The following NRXN1 variants were observed in gnomAD, a reference collection of about 807,000 sequenced individuals.
NRXN1 encodes neurexin-1.
Under a neutral mutation model 150.9 loss-of-function variants are expected in NRXN1, and 39 were observed. The observed-to-expected ratio is 0.26, with a 90% confidence interval of 0.20 to 0.34. NRXN1 has a LOEUF of 0.34. NRXN1 is among the 10% of genes least tolerant of loss of function. NRXN1 has a pLI of 1.00. For missense variants in NRXN1, 1,815 were observed against 1,949.9 expected (o/e 0.93, Z 1.30); for synonymous variants, 924 against 757.0 (o/e 1.22, Z -3.62).
chr2:50,019,509 G>A (rs1292574185), intron 21 of NRXN1, among the ~76,000 whole-genome samples: 1 of 150,798 alleles, frequency 6.6e-6, no homozygotes, highest in Non-Finnish European at 1.5e-5. Flanking sequence ...CAGGCATAGT[G>A]GCGGGTGCCT....
At chr2:50,331,189 A>G (rs991960364) in intron 17 of NRXN1, among the ~76,000 whole-genome samples, 3 of 152,160 alleles carry the variant, frequency 2.0e-5, no homozygotes, top group African/African-American at 4.8e-5. Context: ...AAAATTTGAT[A>G]TGATAAAATA....
At chr2:50,502,465 CACACACTCAGACACACAAACA>C (rs1418125324) in intron 13 of NRXN1, among the ~76,000 whole-genome samples, 1 of 152,002 alleles carries the variant, frequency 6.6e-6, no homozygotes, top group Admixed American at 6.6e-5. Flanking sequence ...CGCATACCCA[CACACACTCAGACACACAAACA>C]CACACACACA....
intron 21 of NRXN1, among the ~76,000 whole-genome samples, chr2:50,001,299 T>G (rs564825153): frequency 1.3e-5 from 2 of 152,142 alleles, no homozygotes; most frequent in African/African-American, 4.8e-5. Flanking sequence ...GCTCAATAAA[T>G]AGTATTTATA....
chr2:50,218,490 C>CTTTTTT (rs34919769), intron 18 of NRXN1, among the ~76,000 whole-genome samples: 15 of 136,760 alleles, frequency 1.1e-4, no homozygotes, highest in Non-Finnish European at 1.6e-4. Flanking sequence ...TTAGCACCTT[C>CTTTTTT]TTTTTTTTTT....
chr2:50,503,943 C>T (rs1438584102), intron 13 of NRXN1, among the ~76,000 whole-genome samples: 1 of 151,990 alleles, frequency 6.6e-6, no homozygotes, highest in Non-Finnish European at 1.5e-5. Context: ...GCCATAACAT[C>T]AACAACGCGG....
intron 21 of NRXN1, among the ~76,000 whole-genome samples, chr2:50,034,992 GTAGAGT>G (rs1018989010): frequency 6.6e-5 from 10 of 152,046 alleles, no homozygotes; most frequent in Non-Finnish European, 1.3e-4. Flanking sequence ...TGTGTCATAA[GTAGAGT>G]TAAAGTCATA....
intron 17 of NRXN1, among the ~76,000 whole-genome samples, chr2:50,378,842 A>C (rs2080722020): frequency 6.6e-6 from 1 of 152,146 alleles, no homozygotes; most frequent in Non-Finnish European, 1.5e-5. Flanking sequence ...CCTTAGCTAG[A>C]CTAAGTTATG....
chr2:50,222,753 C>T (rs1457967761), intron 18 of NRXN1, among the ~76,000 whole-genome samples: 1 of 151,626 alleles, frequency 6.6e-6, no homozygotes, highest in Non-Finnish European at 1.5e-5. Context: ...ACTCAAGTTG[C>T]AGAATAGTAT....
At chr2:50,070,780 A>C (rs1050870933) in intron 19 of NRXN1, among the ~76,000 whole-genome samples, 1 of 150,670 alleles carries the variant, frequency 6.6e-6, no homozygotes, top group South Asian at 2.1e-4. Context: ...AAAAAAAAAA[A>C]AAAAAAAAAC....
intron 8 of NRXN1, among the ~76,000 whole-genome samples, chr2:50,580,306 A>G (rs1251929555): frequency 1.3e-5 from 2 of 152,152 alleles, no homozygotes; most frequent in African/African-American, 4.8e-5. Context: ...TCCTTCCTAT[A>G]AATCCCCACA....
At chr2:50,989,360 C>A (rs947609432) in intron 2 of NRXN1, among the ~76,000 whole-genome samples, 2 of 151,524 alleles carry the variant, frequency 1.3e-5, no homozygotes, top group African/African-American at 4.8e-5. Context: ...AAAAAATTAC[C>A]CTTATAAGTG....
At chr2:50,011,946 C>T (rs1685740300) in intron 21 of NRXN1, among the ~76,000 whole-genome samples, 1 of 152,028 alleles carries the variant, frequency 6.6e-6, no homozygotes, top group Non-Finnish European at 1.5e-5. Flanking sequence ...GATGAATATA[C>T]AGCTAAATCA....
At position 49,943,695 on chromosome 2, in the gene NRXN1, T is replaced by A. The variant is rs201702263; in HGVS notation, c.4216+9A>T. The A allele has an allele frequency of 6.2e-7, 1 of 1,602,382 alleles. No homozygotes were observed. Among genetic ancestry groups the A allele is most frequent in the Non-Finnish European group, 8.5e-7 (1 of 1,171,252 alleles). ...AAAGCCAAGGAAGTAAGAAAAAAAG[T>A]TGACTAACCTAACCCACCTGAGCTC... On this transcript the variant is annotated intron_variant, in intron 22 of 22. Transcript: ENST00000401669.
At chr2:50,244,910 C>T (rs921000535) in intron 17 of NRXN1, among the ~76,000 whole-genome samples, 18 of 151,514 alleles carry the variant, frequency 1.2e-4, no homozygotes, top group African/African-American at 4.4e-4. Flanking sequence ...TTAATGAAAA[C>T]CTAAGATTAT....
intron 19 of NRXN1, among the ~76,000 whole-genome samples, chr2:50,078,149 G>T (rs762096317): frequency 6.6e-6 from 1 of 151,916 alleles, no homozygotes; most frequent in African/African-American, 2.4e-5. Flanking sequence ...TCCAGTATTA[G>T]ATTAAGTTAC....
intron 17 of NRXN1, among the ~76,000 whole-genome samples, chr2:50,344,233 T>C (rs2077759767): frequency 6.6e-6 from 1 of 152,144 alleles, no homozygotes. Context: ...TCCCCCACCC[T>C]GAGAGGCTTA....
intron 17 of NRXN1, among the ~76,000 whole-genome samples, chr2:50,312,266 T>C (rs1175924614): frequency 6.6e-6 from 1 of 152,140 alleles, no homozygotes; most frequent in Non-Finnish European, 1.5e-5. Context: ...CTTAGTTTTT[T>C]ACTTTTAATG....
chr2:50,474,158 T>A (rs2089769296), intron 15 of NRXN1, among the ~76,000 whole-genome samples: 1 of 151,956 alleles, frequency 6.6e-6, no homozygotes, highest in Non-Finnish European at 1.5e-5. Flanking sequence ...TGATTTTTCT[T>A]CCATATTTCC....
chr2:50,519,834 T>G (rs2092736211), intron 12 of NRXN1, among the ~76,000 whole-genome samples: 1 of 151,928 alleles, frequency 6.6e-6, no homozygotes, highest in Non-Finnish European at 1.5e-5. Flanking sequence ...TTTCCATTGG[T>G]AGACATATTT....
Sources: gnomAD v4.1 joint callset for allele counts (sites outside exome capture counted in the v4.1 genomes callset) on GRCh38, gnomAD v4.1.1 for gene constraint, MANE v1.5 for transcripts, NCBI Gene and HGNC (gene_info 2026-07-23, HGNC 2026-07-21) for gene names.